PCDH11X: variants seen among roughly 807,000 people sequenced by gnomAD.
The protein encoded by PCDH11X is protocadherin 11 X-linked.
Under a neutral mutation model 53.3 loss-of-function variants are expected in PCDH11X, and 18 were observed. The ratio of observed to expected loss-of-function variants is 0.34; its 90% CI spans 0.23 to 0.50. The LOEUF is 0.50. PCDH11X is among the 20% of genes least tolerant of loss of function. PCDH11X has a pLI of 0.98. For synonymous variants in PCDH11X, 279 were observed against 393.3 expected (o/e 0.71, Z 3.44); for missense variants, 570 against 1,032.4 (o/e 0.55, Z 6.14).
At chrX:92,256,138 C>T (rs747586028) in intron 7 of PCDH11X, among the ~76,000 whole-genome samples, 1 of 112,348 alleles carries the variant, frequency 8.9e-6, no homozygotes, top group South Asian at 3.7e-4. Flanking sequence ...TCTTGTGGTG[C>T]ACCGTTTTTT....
intron 10 of PCDH11X, among the ~76,000 whole-genome samples, chrX:92,589,375 G>A (rs1212696253): frequency 1.8e-5 from 2 of 111,585 alleles, no homozygotes; most frequent in Non-Finnish European, 1.9e-5. Context: ...TAATAATTTA[G>A]CAACTTTTCA....
rs36037235 is a variant in PCDH11X, at chrX:92,000,030, G to T, written c.3033+120757G>T. Among the ~76,000 whole-genome samples, 684 of 111,756 alleles carry T rather than the reference G, an allele frequency of 6.1e-3. 7 individuals are homozygous for T. Among genetic ancestry groups the T allele is most frequent in the African/African-American group, 0.021 (650 of 30,729 alleles). Reference sequence around the variant, plus strand: ...TGGTGTTTCACTATGTATGGGGGGTGTAAAAACATGAGTCAACTGGCAGGC... The same window carrying T: ...TGGTGTTTCACTATGTATGGGGGGTTTAAAAACATGAGTCAACTGGCAGGC... On this transcript the variant is annotated intron_variant, in intron 6 of 10. Transcript: ENST00000682573.
chrX:92,274,342 A>C lies in PCDH11X; in HGVS notation c.3144+11199A>C, dbSNP rs754428571. On this transcript the variant is annotated intron_variant, in intron 8 of 10. Transcript: ENST00000682573. ...GGACGGTAAGGGATATAATGGTTTC[A>C]CTGAATACTAAGAGCCTGAAAAACT... is the stretch of plus-strand genomic sequence containing the variant. Among the ~76,000 whole-genome samples, 8 of 108,930 alleles carry C rather than the reference A, an allele frequency of 7.3e-5. 1 individual carries two copies. The highest frequency in any genetic ancestry group is 2.8e-4 in the African/African-American group (8 of 28,803). 94.6% of individuals were successfully genotyped at this position (108,930 alleles called of 115,157 possible).
At chrX:92,576,011 T>C (rs184814809) in intron 10 of PCDH11X, among the ~76,000 whole-genome samples, 5,571 of 27,714 alleles carry the variant, frequency 0.2, 514 homozygotes, top group Admixed American at 0.27. Context: ...TATATATATA[T>C]ACACACACAC....
At chrX:92,219,167 A>T (rs1324556577) in intron 7 of PCDH11X, among the ~76,000 whole-genome samples, 1 of 110,969 alleles carries the variant, frequency 9.0e-6, no homozygotes, top group Non-Finnish European at 1.9e-5. Flanking sequence ...CACCACTCCT[A>T]TTCAACATAG....
chrX:92,269,231 C>T (rs1326053349), intron 8 of PCDH11X, among the ~76,000 whole-genome samples: 1 of 111,760 alleles, frequency 8.9e-6, no homozygotes, highest in Non-Finnish European at 1.9e-5. Context: ...TCATTGTTAT[C>T]CTTGGTTTCT....
chrX:92,013,732 A>G (rs1216935584), intron 6 of PCDH11X, among the ~76,000 whole-genome samples: 1 of 111,377 alleles, frequency 9.0e-6, no homozygotes, highest in Non-Finnish European at 1.9e-5. Flanking sequence ...AACGCCACAC[A>G]TCTACAACCA....
chrX:92,142,986 A>G (rs1318706142), intron 6 of PCDH11X, among the ~76,000 whole-genome samples: 7 of 111,170 alleles, frequency 6.3e-5, no homozygotes, highest in African/African-American at 2.0e-4. Flanking sequence ...AATGTTTACA[A>G]TGTTCTCCAG....
intron 6 of PCDH11X, among the ~76,000 whole-genome samples, chrX:92,179,642 T>C (rs1230900771): frequency 1.8e-5 from 2 of 112,211 alleles, no homozygotes; most frequent in African/African-American, 6.5e-5. Context: ...CTTATTTCTT[T>C]GCGTATAATT....
intron 6 of PCDH11X, among the ~76,000 whole-genome samples, chrX:92,178,275 A>C (rs953715151): frequency 9.0e-6 from 1 of 111,725 alleles, no homozygotes; most frequent in Non-Finnish European, 1.9e-5. Flanking sequence ...ACTTACTTTA[A>C]ACACAGAACA....
intron 7 of PCDH11X, among the ~76,000 whole-genome samples, chrX:92,214,203 T>C (rs1168868988): frequency 8.9e-6 from 1 of 111,873 alleles, no homozygotes; most frequent in Non-Finnish European, 1.9e-5. Context: ...CCTCATTGCA[T>C]TTTGGGTGAA....
intron 2 of PCDH11X, 90 bp from the exon 3 acceptor site, chrX:91,810,383 A>G (rs1431949822): frequency 8.9e-6 from 1 of 112,035 alleles, no homozygotes; most frequent in Non-Finnish European, 1.9e-5. Flanking sequence ...CCTGCCATAA[A>G]ATGATGGCCC....
intron 6 of PCDH11X, among the ~76,000 whole-genome samples, chrX:92,121,380 T>C (rs1193723576): frequency 8.1e-5 from 9 of 111,690 alleles, no homozygotes; most frequent in African/African-American, 2.6e-4. Flanking sequence ...GGTCTCGAAC[T>C]CCTGACCTCA....
At chrX:91,949,822 T>G (rs911001134) in intron 6 of PCDH11X, among the ~76,000 whole-genome samples, 14 of 108,641 alleles carry the variant, frequency 1.3e-4, no homozygotes, top group African/African-American at 2.7e-4. Context: ...CTATAAAATT[T>G]CAGTAAAAAA....
chrX:92,064,742 G>GT (rs1426263650), intron 6 of PCDH11X, among the ~76,000 whole-genome samples: 12 of 109,464 alleles, frequency 1.1e-4, no homozygotes, highest in Non-Finnish European at 1.7e-4. Flanking sequence ...GTTGTTTTTT[G>GT]TTTTTCTCCC....
At chrX:92,479,213 TA>T (rs932320253) in intron 10 of PCDH11X, among the ~76,000 whole-genome samples, 3 of 108,682 alleles carry the variant, frequency 2.8e-5, no homozygotes, top group African/African-American at 1.0e-4. Flanking sequence ...TTTGTTTGTA[TA>T]TTTTTTTCTA....
chrX:92,085,892 A>G (rs990209907), intron 6 of PCDH11X, among the ~76,000 whole-genome samples: 24 of 111,785 alleles, frequency 2.1e-4, no homozygotes, highest in African/African-American at 7.8e-4. Context: ...CACCTGACAC[A>G]TGACTAGTCT....
chrX:91,948,500 A>G (rs1469534297), intron 6 of PCDH11X, among the ~76,000 whole-genome samples: 6 of 110,464 alleles, frequency 5.4e-5, no homozygotes, highest in African/African-American at 2.0e-4. Context: ...TTGGAATTCA[A>G]TACAGTAGTT....
At chrX:91,880,150 C>T (rs1239292981) in intron 6 of PCDH11X, among the ~76,000 whole-genome samples, 1 of 110,638 alleles carries the variant, frequency 9.0e-6, no homozygotes, top group African/African-American at 3.4e-5. Flanking sequence ...TGCCTTTTAT[C>T]AGTGTTCCAT....
Sources: gnomAD v4.1 joint callset for allele counts (sites outside exome capture counted in the v4.1 genomes callset) on GRCh38, gnomAD v4.1.1 for gene constraint, MANE v1.5 for transcripts, NCBI Gene and HGNC (gene_info 2026-07-23, HGNC 2026-07-21) for gene names.